RAI14: variants seen among roughly 807,000 people sequenced by gnomAD.
RAI14 encodes ankycorbin.
Under a neutral mutation model 115.4 loss-of-function variants are expected in RAI14, and 45 were observed. That is an observed-to-expected ratio of 0.39 (90% CI 0.31 to 0.50). The LOEUF (loss-of-function observed/expected upper bound fraction) is 0.50, where lower values mean the gene tolerates loss of function less well. Ranked by LOEUF, RAI14 falls within the 20% of genes least tolerant of loss-of-function variation. The probability of loss-of-function intolerance (pLI) is 0.85; values close to 1 mark genes in which losing one functional copy is unlikely to be tolerated. For synonymous variants in RAI14, 371 were observed against 415.4 expected (o/e 0.89, Z 1.30); for missense variants, 939 against 1,131.2 (o/e 0.83, Z 2.44).
At chr5:34,697,650 T>A (rs1284463912) in intron 2 of RAI14, among the ~76,000 whole-genome samples, 1 of 152,212 alleles carries the variant, frequency 6.6e-6, no homozygotes, top group Non-Finnish European at 1.5e-5. Flanking sequence ...GGGACTATCA[T>A]GACCTGATCT....
intron 3 of RAI14, among the ~76,000 whole-genome samples, chr5:34,787,128 A>G (rs779543097): frequency 1.3e-5 from 2 of 152,180 alleles, no homozygotes; most frequent in Non-Finnish European, 2.9e-5. Flanking sequence ...AGCCTTCAGC[A>G]TGGGTGTCAT....
At chr5:34,680,561 C>T (rs1264691213) in intron 1 of RAI14, among the ~76,000 whole-genome samples, 1 of 152,200 alleles carries the variant, frequency 6.6e-6, no homozygotes, top group African/African-American at 2.4e-5. Flanking sequence ...ACATGAACTT[C>T]TGGAGGACAC....
At chr5:34,715,894 C>CA (rs148825150) in intron 2 of RAI14, among the ~76,000 whole-genome samples, 6,028 of 152,216 alleles carry the variant, frequency 0.04, 409 homozygotes, top group African/African-American at 0.14. Flanking sequence ...ATGTAATCAT[C>CA]AGTCTTCCCA....
At chr5:34,735,126 A>G (rs1483494997) in intron 2 of RAI14, among the ~76,000 whole-genome samples, 1 of 152,242 alleles carries the variant, frequency 6.6e-6, no homozygotes, top group Non-Finnish European at 1.5e-5. Context: ...AAAGTTCAGC[A>G]TATGTTACTT....
At position 34,752,749 on chromosome 5, in the gene RAI14, G is replaced by GTATATATATATATA. The variant is rs71600954; in HGVS notation, c.37-4715_37-4702dup. Among the ~76,000 whole-genome samples the GTATATATATATATA allele has an allele frequency of 2.7e-4, 29 of 107,052 alleles. 1 individual carries two copies. The highest frequency in any genetic ancestry group is 7.9e-4 in the African/African-American group (21 of 26,474). The allele number at this position is 107,052 out of a possible 152,430, so 70.2% of individuals were successfully genotyped here. On this transcript the variant is annotated intron_variant, in intron 2 of 17. Transcript: ENST00000265109. ...TGTGTGTGTGTGTGTGTGTGTGTGT[G>GTATATATATATATA]TATATATATATATATATGTATCTTT...
chr5:34,705,915 G>A (rs1463491614), intron 2 of RAI14, among the ~76,000 whole-genome samples: 1 of 152,186 alleles, frequency 6.6e-6, no homozygotes, highest in African/African-American at 2.4e-5. Context: ...CCAAAGTGCT[G>A]GGATTACAGG....
At chr5:34,803,672 C>G (rs373289968) in intron 4 of RAI14, 40 bp from the exon 5 acceptor site, 13 of 1,510,610 alleles carry the variant, frequency 8.6e-6, no homozygotes, top group Non-Finnish European at 1.2e-5. Context: ...TAAAGTGTGG[C>G]CTTTTTAAAA....
chr5:34,828,097 C>T (rs927110396), intron 16 of RAI14, among the ~76,000 whole-genome samples: 16 of 152,030 alleles, frequency 1.1e-4, no homozygotes, highest in Admixed American at 2.0e-4. Flanking sequence ...GAATCTGGAC[C>T]GCAGTAGACT....
intron 3 of RAI14, among the ~76,000 whole-genome samples, chr5:34,783,961 T>C (rs1323441322): frequency 6.6e-6 from 1 of 152,200 alleles, no homozygotes; most frequent in Admixed American, 6.5e-5. Flanking sequence ...TGTCCACACA[T>C]ACATGTACAT....
chr5:34,656,953 G>A (rs893891178), intron 1 of RAI14: 1 of 152,334 alleles, frequency 6.6e-6, no homozygotes. Flanking sequence ...GGCTGAACTT[G>A]GAGGAGGTGG....
intron 2 of RAI14, among the ~76,000 whole-genome samples, chr5:34,749,143 A>T (rs1746678788): frequency 6.6e-6 from 1 of 152,176 alleles, no homozygotes; most frequent in African/African-American, 2.4e-5. Context: ...TTCGTCTTAG[A>T]CTTGCTGATT....
In RAI14 at chr5:34,708,265, C is replaced by T. The variant is rs575826649; in HGVS notation, c.36+21310C>T. ...TTGCCCAGGCTGGGGTGCAATGGCGCGATCTCGGCTCACTGCAACCTCTGC... is the reference window on the plus strand; with the variant it reads ...TTGCCCAGGCTGGGGTGCAATGGCGTGATCTCGGCTCACTGCAACCTCTGC... On this transcript the variant is annotated intron_variant, in intron 2 of 17. Transcript: ENST00000265109. Among the ~76,000 whole-genome samples, 870 of 150,764 alleles carry T rather than the reference C, an allele frequency of 5.8e-3. 4 individuals carry two copies. Among genetic ancestry groups the T allele is most frequent in the Non-Finnish European group, 9.4e-3 (638 of 67,862 alleles).
intron 2 of RAI14, chr5:34,716,080 A>G (rs1046041486): frequency 8.9e-6 from 4 of 448,932 alleles, no homozygotes; most frequent in African/African-American, 6.0e-5. Flanking sequence ...AAAGAACTCT[A>G]ACATTGGAAA....
Position 34,722,154 on chromosome 5 carries a change from C to CT in RAI14, c.36+35199_36+35200insT, listed in dbSNP as rs1283548039. ...GTTATGAGCTGAGTTGTGGCCCCGCCCACCCCCAAAGTGATATGTTGAAAT... is the reference window on the plus strand; with the variant it reads ...GTTATGAGCTGAGTTGTGGCCCCGCCTCACCCCCAAAGTGATATGTTGAAAT... On this transcript the variant is annotated intron_variant, in intron 2 of 17. Coordinates refer to ENST00000265109, the MANE Select transcript of RAI14 (RefSeq NM_015577.3). Among the ~76,000 whole-genome samples the CT allele has an allele frequency of 3.3e-5, 5 of 150,012 alleles. No individual in the cohort carries two copies. In the East Asian group the frequency reaches 9.8e-4, roughly 29 times the overall value.
At position 34,752,737 on chromosome 5, in the gene RAI14, GTGTGTGTGTGTGTA is replaced by G. The variant is rs1207091013; in HGVS notation, c.37-4729_37-4716del. Among the ~76,000 whole-genome samples the G allele has an allele frequency of 7.7e-4, 78 of 101,452 alleles. 3 individuals are homozygous for G. Among genetic ancestry groups the G allele is most frequent in the African/African-American group, 2.1e-3 (54 of 25,666 alleles). 66.6% of individuals were successfully genotyped at this position (101,452 alleles called of 152,430 possible). ...TGTGTGTGTGTGTGTGTGTGTGTGT[GTGTGTGTGTGTGTA>G]TATATATATATATATGTATCTTTTC... On this transcript the variant is annotated intron_variant, in intron 2 of 17. Coordinates refer to ENST00000265109, the MANE Select transcript of RAI14 (RefSeq NM_015577.3).
At chr5:34,656,684 G>A (rs1013824844) in intron 1 of RAI14, 1 of 152,344 alleles carries the variant, frequency 6.6e-6, no homozygotes, top group Non-Finnish European at 1.5e-5. Context: ...GGGACAAGAG[G>A]AAGGAGAGGA....
At position 34,809,627 on chromosome 5, in the gene RAI14, AC is replaced by A. The variant is rs199899035; in HGVS notation, c.450+974del. On this transcript the variant is annotated intron_variant, in intron 7 of 17. Transcript: ENST00000265109. ...GCTGCACTTTTTTTTTTTTTTCTAA[AC>A]TGGGAAGAAGGTTAATTAGCTTCTA... Among the ~76,000 whole-genome samples, 831 of 151,732 alleles carry A rather than the reference AC, an allele frequency of 5.5e-3. 6 individuals carry two copies. The highest frequency in any genetic ancestry group is 0.019 in the African/African-American group (795 of 41,326).
chr5:34,769,739 A>AT (rs745469929), intron 3 of RAI14, among the ~76,000 whole-genome samples: 19 of 152,100 alleles, frequency 1.2e-4, no homozygotes, highest in East Asian at 5.8e-4. Flanking sequence ...GTTTGTATAT[A>AT]TTTTTTAAGA....
intron 11 of RAI14, among the ~76,000 whole-genome samples, chr5:34,814,260 A>G (rs555554983): frequency 6.6e-6 from 1 of 152,342 alleles, no homozygotes; most frequent in East Asian, 1.9e-4. Flanking sequence ...TTTAAATAGT[A>G]GAGAGGAATA....
Sources: gnomAD v4.1 joint callset for allele counts (sites outside exome capture counted in the v4.1 genomes callset) on GRCh38, gnomAD v4.1.1 for gene constraint, MANE v1.5 for transcripts, NCBI Gene and HGNC (gene_info 2026-07-23, HGNC 2026-07-21) for gene names.